The following RIMBP2 variants were observed in gnomAD, a reference collection of about 807,000 sequenced individuals.
RIMBP2 encodes the protein RIMS-binding protein 2.
A neutral mutation model predicts 118.6 loss-of-function variants in RIMBP2; 48 were observed. The ratio of observed to expected loss-of-function variants is 0.40; its 90% CI spans 0.32 to 0.51. The LOEUF (loss-of-function observed/expected upper bound fraction) is 0.51, where lower values mean the gene tolerates loss of function less well. Ranked by LOEUF, RIMBP2 falls within the 20% of genes least tolerant of loss-of-function variation. The pLI, the probability that RIMBP2 is intolerant of heterozygous loss-of-function variation, is 0.41. For missense variants in RIMBP2, 1,551 were observed against 1,768.3 expected, an observed-to-expected ratio of 0.88 and a Z score of 2.20; for synonymous variants, 762 against 742.9, an observed-to-expected ratio of 1.03 and a Z score of -0.42.
chr12:130,510,712 G>C (rs936150754), intron 3 of RIMBP2, among the ~76,000 whole-genome samples: 1 of 152,180 alleles, frequency 6.6e-6, no homozygotes, highest in Non-Finnish European at 1.5e-5. Context: ...CAAGTGATCT[G>C]CCCACTTCGG....
chr12:130,402,420 T>A (rs1028758418), intron 21 of RIMBP2, among the ~76,000 whole-genome samples: 1 of 152,002 alleles, frequency 6.6e-6, no homozygotes, highest in African/African-American at 2.4e-5. Flanking sequence ...GAGTCTGCCT[T>A]CCCCTGGTAC....
At chr12:130,505,466 TC>T (rs1176206767) in intron 4 of RIMBP2, among the ~76,000 whole-genome samples, 96 of 49,794 alleles carry the variant, frequency 1.9e-3, no homozygotes, top group African/African-American at 7.8e-3. Flanking sequence ...CTCATCCCCA[TC>T]CCCCCCATCC....
At position 130,434,681 on chromosome 12, in the gene RIMBP2, G is replaced by T; in HGVS notation, c.2253+53C>A. The T allele has an allele frequency of 1.3e-6, 2 of 1,565,246 alleles. No individual in the cohort carries two copies. The highest frequency in any genetic ancestry group is 8.6e-7 in the Non-Finnish European group (1 of 1,158,626). ...ATGTCTCTTGATCTCCACGGGGCCC[G>T]CTCCGAGCCCGCGCCCACCAGGAGG... On this transcript the variant is annotated intron_variant, in intron 14 of 22. Coordinates refer to ENST00000690449, the MANE Select transcript of RIMBP2 (RefSeq NM_001393629.1). This position sits in a 1 kb window ranked among gnomAD's most constrained non-coding sequence, Gnocchi z 5.7.
intron 1 of RIMBP2, among the ~76,000 whole-genome samples, chr12:130,684,606 C>A (rs1230297055): frequency 6.6e-6 from 1 of 152,174 alleles, no homozygotes; most frequent in Non-Finnish European, 1.5e-5. Flanking sequence ...ATAACATTTA[C>A]TAAAAAGACC....
intron 2 of RIMBP2, among the ~76,000 whole-genome samples, chr12:130,527,085 G>A (rs1335794121): frequency 1.3e-5 from 2 of 152,174 alleles, no homozygotes; most frequent in Admixed American, 1.3e-4. Flanking sequence ...AGTCAGCTAA[G>A]TCATCCCAGG....
At chr12:130,403,391 AAG>A (rs778265797) in intron 21 of RIMBP2, among the ~76,000 whole-genome samples, 22 of 152,240 alleles carry the variant, frequency 1.4e-4, no homozygotes, top group Admixed American at 7.9e-4. Context: ...TCAAGAAACT[AAG>A]AAGATAAAAC....
At chr12:130,428,585 C>T (rs1415206635) in intron 14 of RIMBP2, 4 of 364,818 alleles carry the variant, frequency 1.1e-5, no homozygotes, top group African/African-American at 6.3e-5. Flanking sequence ...TACAGAAACA[C>T]CTGAGCTCTG....
intron 2 of RIMBP2, among the ~76,000 whole-genome samples, chr12:130,598,234 C>T (rs984457042): frequency 9.9e-5 from 15 of 152,126 alleles, no homozygotes; most frequent in African/African-American, 3.1e-4. Context: ...AAATTAAAGA[C>T]GACCTAAATA....
At chr12:130,652,363 G>T (rs2063263076) in intron 1 of RIMBP2, among the ~76,000 whole-genome samples, 1 of 152,176 alleles carries the variant, frequency 6.6e-6, no homozygotes, top group South Asian at 2.1e-4. Context: ...AGCTGAACAT[G>T]TTTACCATCT....
Position 130,456,852 on chromosome 12 carries a change from A to T in RIMBP2, c.154-152T>A, listed in dbSNP as rs563800540. 17 of 620,154 alleles carry T rather than the reference A, an allele frequency of 2.7e-5. No homozygotes were observed. The South Asian group carries it at 3.4e-4, about 12-fold the overall frequency. The allele number at this position is 620,154 out of a possible 1,614,324, so 38.4% of individuals were successfully genotyped here. ...GTCTGTGAAAATGCATGTGTGGTTGAGTGTGTGCATATGAGCATGTATCCT... is the reference window on the plus strand; with the variant it reads ...GTCTGTGAAAATGCATGTGTGGTTGTGTGTGTGCATATGAGCATGTATCCT... On this transcript the variant is annotated intron_variant, in intron 6 of 22. Coordinates refer to ENST00000690449, the MANE Select transcript of RIMBP2 (RefSeq NM_001393629.1).
rs2078919522 is a variant in RIMBP2 at position 130,450,623 on chromosome 12, A to G, written c.505-347T>C. 6.8e-6 allele frequency among the ~76,000 whole-genome samples: 1 copy of G among 146,602 alleles called. No homozygotes were observed. Among genetic ancestry groups the G allele is most frequent in the African/African-American group, 2.6e-5 (1 of 39,192 alleles). ...CATAGGGGTGGGGGTAAAATTAAGC[A>G]GTATGTGCACGACCCCCCAGTGATC... is the stretch of plus-strand genomic sequence containing the variant. On this transcript the variant is annotated intron_variant, in intron 8 of 22. Transcript: ENST00000690449. This position sits in a 1 kb window ranked among gnomAD's most constrained non-coding sequence, Gnocchi z 4.8.
chr12:130,573,510 G>A (rs1047878549), intron 2 of RIMBP2, among the ~76,000 whole-genome samples: 1 of 152,120 alleles, frequency 6.6e-6, no homozygotes, highest in Non-Finnish European at 1.5e-5. Flanking sequence ...ATATAGACGT[G>A]ATCAGAAAGT....
At chr12:130,428,631 C>A (rs945572334) in intron 14 of RIMBP2, 2 of 262,538 alleles carry the variant, frequency 7.6e-6, no homozygotes, top group Non-Finnish European at 1.4e-5. Flanking sequence ...TTACAAGACA[C>A]GCGGGCAGAA....
At chr12:130,671,997 G>A (rs1566445072) in intron 1 of RIMBP2, among the ~76,000 whole-genome samples, 1 of 152,162 alleles carries the variant, frequency 6.6e-6, no homozygotes, top group African/African-American at 2.4e-5. Flanking sequence ...ATTTGCGTAC[G>A]TGTTCCTGGG....
chr12:130,499,322 A>C lies in RIMBP2; in HGVS notation c.-4+7326T>G, dbSNP rs545170545. Among the ~76,000 whole-genome samples the C allele has an allele frequency of 8.5e-5, 13 of 152,308 alleles. No homozygotes were observed. The South Asian group carries it at 2.7e-3, about 32-fold the overall frequency. ...TCAGGGTGCTTTGTGATACAGCAATAGCTAACTTGTATACCTCTGTGCGGT... is the reference window on the plus strand; with the variant it reads ...TCAGGGTGCTTTGTGATACAGCAATCGCTAACTTGTATACCTCTGTGCGGT... On this transcript the variant is annotated intron_variant, in intron 4 of 22. Coordinates refer to ENST00000690449, the MANE Select transcript of RIMBP2 (RefSeq NM_001393629.1).
At chr12:130,531,097 C>T (rs2053324472) in intron 2 of RIMBP2, among the ~76,000 whole-genome samples, 1 of 152,196 alleles carries the variant, frequency 6.6e-6, no homozygotes, top group South Asian at 2.1e-4. Flanking sequence ...CCAAATCTAT[C>T]TTCTGCTCAT....
intron 2 of RIMBP2, among the ~76,000 whole-genome samples, chr12:130,609,761 G>C (rs1221300754): frequency 6.6e-6 from 1 of 152,192 alleles, no homozygotes; most frequent in Non-Finnish European, 1.5e-5. Context: ...AGGGCTGCAG[G>C]TCTGGGAAGT....
At chr12:130,444,176 G>T (rs1421178696) in intron 10 of RIMBP2, among the ~76,000 whole-genome samples, 3 of 152,196 alleles carry the variant, frequency 2.0e-5, no homozygotes, top group African/African-American at 7.2e-5. Context: ...TGATAATGTG[G>T]ACTTATGGGA....
At chr12:130,599,308 C>A (rs2059735831) in intron 2 of RIMBP2, among the ~76,000 whole-genome samples, 1 of 152,246 alleles carries the variant, frequency 6.6e-6, no homozygotes, top group East Asian at 1.9e-4. Context: ...TGAGTGACAT[C>A]ATTAAGAGAA....
Sources: allele counts gnomAD v4.1 joint callset (sites outside exome capture counted in the v4.1 genomes callset), GRCh38; gene constraint gnomAD v4.1.1; non-coding constraint Gnocchi (gnomAD v3.1); transcripts MANE v1.5; gene names NCBI Gene and HGNC (gene_info 2026-07-23, HGNC 2026-07-21).